Variants in CSMD1 observed in about 807,000 individuals in gnomAD.
The protein encoded by CSMD1 is CUB and Sushi multiple domains 1, also known as CUB and sushi domain-containing protein 1.
Under a neutral mutation model 417.5 loss-of-function variants are expected in CSMD1, and 213 were observed. The observed-to-expected ratio is 0.51, with a 90% CI of 0.46 to 0.57. CSMD1 has a LOEUF of 0.57. Among genes scored for constraint, CSMD1 ranks in the 20% least tolerant of loss-of-function variants. The probability of loss-of-function intolerance (pLI) is 0.00; values close to 1 mark genes in which losing one functional copy is unlikely to be tolerated. For synonymous variants in CSMD1, 2,862 were observed against 1,736.8 expected (o/e 1.65, Z -16.11); for missense variants, 6,923 against 4,529.7 (o/e 1.53, Z -15.17).
At chr8:3,845,417 GATATCTATGTATCTAA>G (rs1454636835) in intron 5 of CSMD1, among the ~76,000 whole-genome samples, 1 of 152,094 alleles carries the variant, frequency 6.6e-6, no homozygotes, top group Admixed American at 6.6e-5. Context: ...CACAGTGATA[GATATCTATGTATCTAA>G]GCATATCTAA....
intron 8 of CSMD1, among the ~76,000 whole-genome samples, chr8:3,593,824 C>A (rs1002444508): frequency 6.6e-6 from 1 of 152,138 alleles, no homozygotes; most frequent in Non-Finnish European, 1.5e-5. Flanking sequence ...CCATCTCTTT[C>A]TCCCTATCTC....
At chr8:4,115,507 C>G (rs921690774) in intron 3 of CSMD1, among the ~76,000 whole-genome samples, 68 of 152,108 alleles carry the variant, frequency 4.5e-4, no homozygotes, top group Admixed American at 4.3e-3. Context: ...TAAAAATTAT[C>G]TTGAAAAAAC....
Position 4,332,957 on chromosome 8 carries a change from A to AAAC in CSMD1, c.415+86995_415+86996insGTT, listed in dbSNP as rs56180842. Among the ~76,000 whole-genome samples the AAAC allele has an allele frequency of 1.3e-3, 194 of 151,818 alleles. 1 individual carries two copies. The highest frequency in any genetic ancestry group is 4.6e-3 in the African/African-American group (189 of 41,356). On this transcript the variant is annotated intron_variant, in intron 3 of 69. Transcript: ENST00000635120. ...CTTATAAAAATCTAAAAAAAAAAAA[A>AAAC]CTAAGATTTCTGCCTTCAGTTTTGA...
intron 3 of CSMD1, among the ~76,000 whole-genome samples, chr8:4,311,604 T>C (rs1354421828): frequency 6.6e-6 from 1 of 151,400 alleles, no homozygotes; most frequent in East Asian, 2.0e-4. Flanking sequence ...GCGCCTGTAG[T>C]CCCAGCTACT....
chr8:3,545,149 C>A (rs1213148993), intron 10 of CSMD1, among the ~76,000 whole-genome samples: 2 of 152,136 alleles, frequency 1.3e-5, no homozygotes, highest in South Asian at 2.1e-4. Flanking sequence ...TCATTACTTG[C>A]AATCTATTAC....
intron 1 of CSMD1, among the ~76,000 whole-genome samples, chr8:4,943,321 C>A (rs112530135): frequency 0.027 from 4,077 of 151,922 alleles, 167 homozygotes; most frequent in African/African-American, 0.092. Flanking sequence ...CTATGAAAAC[C>A]CGTCTCTACT....
At chr8:4,034,343 T>A (rs1019585319) in intron 3 of CSMD1, among the ~76,000 whole-genome samples, 2 of 152,246 alleles carry the variant, frequency 1.3e-5, no homozygotes, top group African/African-American at 4.8e-5. Context: ...TGTATTCAGT[T>A]CTAGTTTTTA....
At chr8:3,208,401 G>A (rs1797422560) in intron 30 of CSMD1, among the ~76,000 whole-genome samples, 1 of 152,004 alleles carries the variant, frequency 6.6e-6, no homozygotes, top group South Asian at 2.1e-4. Flanking sequence ...CGAGCAGCAG[G>A]GACTACAGGT....
At chr8:4,955,743 A>G (rs1809057884) in intron 1 of CSMD1, among the ~76,000 whole-genome samples, 1 of 152,150 alleles carries the variant, frequency 6.6e-6, no homozygotes, top group Non-Finnish European at 1.5e-5. Context: ...GGCGTGAGCC[A>G]CCACGCCCGG....
intron 2 of CSMD1, among the ~76,000 whole-genome samples, chr8:4,595,539 G>C (rs1414394136): frequency 6.6e-6 from 1 of 151,982 alleles, no homozygotes; most frequent in Non-Finnish European, 1.5e-5. Flanking sequence ...CTGTAGACTA[G>C]CTCTGGTGGC....
At chr8:3,114,683 A>G (rs1330139008) in intron 42 of CSMD1, among the ~76,000 whole-genome samples, 2 of 152,062 alleles carry the variant, frequency 1.3e-5, no homozygotes, top group Non-Finnish European at 2.9e-5. Flanking sequence ...CAGGTAAGAA[A>G]AATAAGGAGA....
chr8:3,529,608 G>A (rs369683792), intron 10 of CSMD1, among the ~76,000 whole-genome samples: 5 of 152,158 alleles, frequency 3.3e-5, no homozygotes, highest in East Asian at 3.9e-4. Flanking sequence ...ATCTTCTGAC[G>A]CCTAGTTCGT....
chr8:3,762,375 T>G (rs1237939563), intron 5 of CSMD1, among the ~76,000 whole-genome samples: 4 of 152,174 alleles, frequency 2.6e-5, no homozygotes, highest in African/African-American at 7.2e-5. Flanking sequence ...TGCCCTGATC[T>G]CTAAGATCAG....
intron 2 of CSMD1, among the ~76,000 whole-genome samples, chr8:4,534,847 C>A (rs1225171664): frequency 1.3e-5 from 2 of 152,170 alleles, no homozygotes; most frequent in African/African-American, 4.8e-5. Flanking sequence ...GATGCAAGCT[C>A]CGCCTCCCGG....
intron 10 of CSMD1, among the ~76,000 whole-genome samples, chr8:3,504,825 T>C (rs776375105): frequency 9.2e-5 from 14 of 152,172 alleles, no homozygotes; most frequent in African/African-American, 3.1e-4. Flanking sequence ...ATTCATTAAA[T>C]TTCAAGAGAG....
chr8:4,270,099 T>G (rs747898721), intron 3 of CSMD1, among the ~76,000 whole-genome samples: 3 of 152,132 alleles, frequency 2.0e-5, no homozygotes, highest in Non-Finnish European at 4.4e-5. Flanking sequence ...GATCAATATT[T>G]CAGCAATCTC....
rs1166738772 is a variant in CSMD1 at position 3,893,331 on chromosome 8, T to A, written c.818+104572A>T. On this transcript the variant is annotated intron_variant, in intron 5 of 69. Coordinates refer to ENST00000635120, the MANE Select transcript of CSMD1 (RefSeq NM_033225.6). ...ATTTTATGTCCCAAACTAATAATAT[T>A]CACAATTTTATATATATATATATAT... is the stretch of plus-strand genomic sequence containing the variant. Among the ~76,000 whole-genome samples the A allele has an allele frequency of 1.8e-3, 73 of 39,594 alleles. 2 individuals carry two copies. In the East Asian group the frequency reaches 0.045, roughly 24 times the overall value. 26.0% of individuals were successfully genotyped at this position (39,594 alleles called of 152,430 possible). A position where few individuals can be genotyped will look rare whatever the true frequency, so the allele number is the denominator to read the frequency against.
intron 5 of CSMD1, among the ~76,000 whole-genome samples, chr8:3,906,498 G>A (rs1424347662): frequency 6.7e-6 from 1 of 150,372 alleles, no homozygotes; most frequent in South Asian, 2.1e-4. Flanking sequence ...TCCGATAAGA[G>A]AATGAAAAAA....
intron 10 of CSMD1, among the ~76,000 whole-genome samples, chr8:3,502,786 C>G (rs964672852): frequency 1.3e-5 from 2 of 152,188 alleles, no homozygotes; most frequent in Admixed American, 1.3e-4. Context: ...ATGGTGGACA[C>G]TGACTTTATA....
Sources: allele counts gnomAD v4.1 joint callset (sites outside exome capture counted in the v4.1 genomes callset), GRCh38; gene constraint gnomAD v4.1.1; transcripts MANE v1.5; gene names NCBI Gene and HGNC (gene_info 2026-07-23, HGNC 2026-07-21).